ACOX1: variants seen among roughly 807,000 people sequenced by gnomAD.
ACOX1 encodes peroxisomal acyl-coenzyme A oxidase 1.
A neutral mutation model predicts 75.5 loss-of-function variants in ACOX1; 41 were observed. That is an observed-to-expected ratio of 0.54 (90% CI 0.42 to 0.70). ACOX1 has a LOEUF of 0.70. Ranked by LOEUF, ACOX1 falls within the 30% of genes least tolerant of loss-of-function variation. The pLI is 0.00. For missense variants in ACOX1, 630 were observed against 837.5 expected, an observed-to-expected ratio of 0.75 and a Z score of 3.06; for synonymous variants, 303 against 298.8, an observed-to-expected ratio of 1.01 and a Z score of -0.15.
At chr17:75,961,933 C>T (rs905609669) in intron 2 of ACOX1, among the ~76,000 whole-genome samples, 7 of 152,002 alleles carry the variant, frequency 4.6e-5, no homozygotes, top group Admixed American at 2.0e-4. Context: ...GATGAGAAAG[C>T]GAGACAGAAC....
intron 12 of ACOX1, 101 bp from the exon 13 acceptor site, chr17:75,948,558 C>CTTTT: frequency 2.4e-6 from 2 of 849,444 alleles, no homozygotes; most frequent in Non-Finnish European, 3.5e-6. Context: ...TTATTTTTTT[C>CTTTT]TTTTTTTTTT....
intron 3 of ACOX1, among the ~76,000 whole-genome samples, chr17:75,959,738 T>C (rs16968355): frequency 0.019 from 2,876 of 152,270 alleles, 50 homozygotes; most frequent in East Asian, 0.086. Flanking sequence ...AAAGTACAAA[T>C]AACTCCAAAA....
intron 2 of ACOX1, among the ~76,000 whole-genome samples, chr17:75,972,197 G>A (rs747317185): frequency 2.6e-5 from 4 of 151,612 alleles, no homozygotes; most frequent in African/African-American, 4.8e-5. Flanking sequence ...GCGTGGTGGC[G>A]GGCACCTGTA....
At chr17:75,973,663 T>C in intron 2 of ACOX1, 2 of 1,614,204 alleles carry the variant, frequency 1.2e-6, no homozygotes, top group Non-Finnish European at 1.7e-6. Flanking sequence ...GCCAATTATC[T>C]GGAGTCCTTT....
At chr17:75,973,293 G>GCACT in intron 2 of ACOX1, 1 of 364,042 alleles carries the variant, frequency 2.7e-6, no homozygotes, top group Non-Finnish European at 5.3e-6. Flanking sequence ...TATTGCTGAG[G>GCACT]CACTAACCCT....
intron 3 of ACOX1, among the ~76,000 whole-genome samples, chr17:75,958,091 A>G (rs1431664621): frequency 2.6e-5 from 4 of 152,174 alleles, no homozygotes; most frequent in Non-Finnish European, 5.9e-5. Flanking sequence ...GTGGTGGCTC[A>G]TGCCTGTAAT....
At chr17:75,954,565 C>T (rs1476890933) in intron 6 of ACOX1, among the ~76,000 whole-genome samples, 10 of 142,492 alleles carry the variant, frequency 7.0e-5, no homozygotes, top group Non-Finnish European at 1.1e-4. Context: ...GCATTATTAG[C>T]TCCTTTTTTT....
At chr17:75,947,523 G>T (rs1459111780) in intron 13 of ACOX1, among the ~76,000 whole-genome samples, 1 of 152,102 alleles carries the variant, frequency 6.6e-6, no homozygotes, top group Non-Finnish European at 1.5e-5. Flanking sequence ...GCATCACTGA[G>T]CCTGGCCCTG....
At chr17:75,961,196 G>C (rs1039808624) in intron 2 of ACOX1, among the ~76,000 whole-genome samples, 5 of 151,200 alleles carry the variant, frequency 3.3e-5, no homozygotes, top group African/African-American at 1.2e-4. Flanking sequence ...AGGAGGCTGA[G>C]GCAGGAGAAT....
intron 6 of ACOX1, among the ~76,000 whole-genome samples, chr17:75,955,332 T>C (rs777593333): frequency 4.6e-5 from 7 of 152,050 alleles, no homozygotes; most frequent in Non-Finnish European, 8.8e-5. Flanking sequence ...CCAGCTAGAT[T>C]TTTTTACTTT....
At chr17:75,955,803 T>C in intron 5 of ACOX1, 25 bp downstream of exon 5, 3 of 1,614,164 alleles carry the variant, frequency 1.9e-6, no homozygotes, top group Non-Finnish European at 2.5e-6. Context: ...CATTTTCATC[T>C]CAACATCAGA....
rs985417089 is a variant in ACOX1 at position 75,953,333 on chromosome 17, C to A, written c.944+118G>T. ...TATGAAATTACAGGCCCAGTTATCACCCTAGCCAATTTTGCAGTGCTAATG... is the reference window on the plus strand; with the variant it reads ...TATGAAATTACAGGCCCAGTTATCAACCTAGCCAATTTTGCAGTGCTAATG... On this transcript the variant is annotated intron_variant, in intron 7 of 13. Coordinates refer to ENST00000293217, the MANE Select transcript of ACOX1 (RefSeq NM_004035.7). 5.9e-6 allele frequency: 7 copies of A among 1,184,616 alleles called. No individual in the cohort carries two copies. In the African/African-American group the frequency reaches 9.0e-5, roughly 15 times the overall value. 73.4% of individuals were successfully genotyped at this position (1,184,616 alleles called of 1,614,324 possible).
intron 3 of ACOX1, among the ~76,000 whole-genome samples, chr17:75,958,791 G>C (rs1342724936): frequency 2.2e-5 from 3 of 137,706 alleles, no homozygotes; most frequent in Admixed American, 7.3e-5. Flanking sequence ...CTGGGCGACA[G>C]AGCACGACTC....
intron 2 of ACOX1, among the ~76,000 whole-genome samples, chr17:75,964,948 C>G (rs1474982276): frequency 1.3e-5 from 2 of 152,008 alleles, no homozygotes; most frequent in African/African-American, 4.8e-5. Flanking sequence ...AAAAGCAGCT[C>G]TGTAGAAAGC....
intron 2 of ACOX1, among the ~76,000 whole-genome samples, chr17:75,965,678 A>T (rs949150225): frequency 2.0e-5 from 3 of 151,806 alleles, no homozygotes; most frequent in Admixed American, 2.0e-4. Flanking sequence ...CTAAAAATTT[A>T]AAAAATCAAC....
chr17:75,950,659 C>A lies in ACOX1; in HGVS notation c.1298+115G>T. 1 of 1,221,706 alleles carries A rather than the reference C, an allele frequency of 8.2e-7. No individual in the cohort carries two copies. The highest frequency in any genetic ancestry group is 2.4e-5 in the East Asian group (1 of 41,544). The allele number at this position is 1,221,706 out of a possible 1,614,324, so 75.7% of individuals were successfully genotyped here. A position where few individuals can be genotyped will look rare whatever the true frequency, so the allele number is the denominator to read the frequency against. Reference sequence around the variant, plus strand: ...GTCAGGATGGAAGGCAAAAGTATACCTTTCAGGAACAAATATATATATACG... The same window carrying A: ...GTCAGGATGGAAGGCAAAAGTATACATTTCAGGAACAAATATATATATACG... On this transcript the variant is annotated intron_variant, in intron 9 of 13. Transcript: ENST00000293217. This position sits in a 1 kb window ranked among gnomAD's most constrained non-coding sequence, Gnocchi z 4.3.
At chr17:75,955,762 T>G in intron 5 of ACOX1, 66 bp downstream of exon 5, 2 of 1,613,346 alleles carry the variant, frequency 1.2e-6, no homozygotes, top group Admixed American at 1.7e-5. Flanking sequence ...AGTTGGGCAT[T>G]CTACCTTTTG....
chr17:75,969,893 G>A (rs2065976534), intron 2 of ACOX1, among the ~76,000 whole-genome samples: 1 of 152,094 alleles, frequency 6.6e-6, no homozygotes, highest in Non-Finnish European at 1.5e-5. Context: ...CAGAAAGAGA[G>A]CGAGAAAGAG....
At chr17:75,961,029 C>T (rs2065882461) in intron 2 of ACOX1, among the ~76,000 whole-genome samples, 1 of 149,328 alleles carries the variant, frequency 6.7e-6, no homozygotes, top group Non-Finnish European at 1.5e-5. Flanking sequence ...GCAGTGGCTC[C>T]CACCTATAAT....
Sources: gnomAD v4.1 joint callset for allele counts (sites outside exome capture counted in the v4.1 genomes callset) on GRCh38, gnomAD v4.1.1 for gene constraint, Gnocchi (gnomAD v3.1) non-coding constraint, MANE v1.5 for transcripts, NCBI Gene and HGNC (gene_info 2026-07-23, HGNC 2026-07-21) for gene names.